The following TNFAIP8L3 variants were observed in gnomAD, a reference collection of about 807,000 sequenced individuals.
TNFAIP8L3 encodes the protein TNF alpha induced protein 8 like 3.
In TNFAIP8L3, 7 loss-of-function variants were observed where a neutral mutation model predicts 11.8. The observed-to-expected ratio is 0.59, with a 90% confidence interval of 0.34 to 1.11. The LOEUF is 1.11. TNFAIP8L3 is among the 50% of genes most tolerant of loss of function. TNFAIP8L3 has a pLI of 0.03. For missense variants in TNFAIP8L3, 219 were observed against 258.6 expected, an observed-to-expected ratio of 0.85 and a Z score of 1.05; for synonymous variants, 98 against 103.8, an observed-to-expected ratio of 0.94 and a Z score of 0.34.
At chr15:51,103,015 C>A (rs1037946592) in intron 1 of TNFAIP8L3, among the ~76,000 whole-genome samples, 2 of 152,076 alleles carry the variant, frequency 1.3e-5, no homozygotes, top group African/African-American at 4.8e-5. Flanking sequence ...CCCTCAGCTT[C>A]CCTCCATCTC....
rs144082319 is a variant in TNFAIP8L3 at position 51,100,800 on chromosome 15, A to G, written c.172+4205T>C. ...AAACAAACAAGGCATGACTGGATGGATGTCCTTAAATGTGTAGAGACTTAG... is the reference window on the plus strand; with the variant it reads ...AAACAAACAAGGCATGACTGGATGGGTGTCCTTAAATGTGTAGAGACTTAG... On this transcript the variant is annotated intron_variant, in intron 1 of 2. Transcript: ENST00000327536. Among the ~76,000 whole-genome samples, 20 of 151,686 alleles carry G rather than the reference A, an allele frequency of 1.3e-4. No individual in the cohort carries two copies. In the East Asian group the frequency reaches 3.3e-3, roughly 25 times the overall value.
At chr15:51,100,489 A>G (rs1007538107) in intron 1 of TNFAIP8L3, among the ~76,000 whole-genome samples, 16 of 152,206 alleles carry the variant, frequency 1.1e-4, no homozygotes, top group African/African-American at 3.9e-4. Flanking sequence ...CACAGGTAAG[A>G]GAAGACAAAA....
chr15:51,078,743 C>T (rs989188746), intron 1 of TNFAIP8L3, among the ~76,000 whole-genome samples: 1 of 152,012 alleles, frequency 6.6e-6, no homozygotes, highest in African/African-American at 2.4e-5. Flanking sequence ...CTGCCACCGG[C>T]CTGTGTCCAG....
At chr15:51,097,886 AG>A (rs2065525256), upstream of TNFAIP8L3, among the ~76,000 whole-genome samples, 1 of 152,190 alleles carries the variant, frequency 6.6e-6, no homozygotes, top group South Asian at 2.1e-4. Context: ...AAAGAGAAAA[AG>A]GGAAAGGGTT....
Position 51,094,533 on chromosome 15 carries a change from C to A in TNFAIP8L3, c.52+11G>T, listed in dbSNP as rs2140982978. 1.3e-6 allele frequency: 2 copies of A among 1,493,600 alleles called. No homozygotes were observed. Among genetic ancestry groups the A allele is most frequent in the Non-Finnish European group, 1.8e-6 (2 of 1,126,112 alleles). 92.5% of individuals were successfully genotyped at this position (1,493,600 alleles called of 1,614,324 possible). ...AGCCCACCCGCCTGGGCCGTCGCGGCCCCTAGGTACCTGCGGCGGTCACGG... is the reference window on the plus strand; with the variant it reads ...AGCCCACCCGCCTGGGCCGTCGCGGACCCTAGGTACCTGCGGCGGTCACGG... On this transcript the variant is annotated intron_variant, in intron 1 of 1. Coordinates refer to ENST00000637513, the MANE Select transcript of TNFAIP8L3 (RefSeq NM_001311175.2). This position sits in a 1 kb window ranked among gnomAD's most constrained non-coding sequence, Gnocchi z 4.4.
chr15:51,089,701 T>G (rs2065453610), intron 1 of TNFAIP8L3, among the ~76,000 whole-genome samples: 1 of 152,230 alleles, frequency 6.6e-6, no homozygotes, highest in African/African-American at 2.4e-5. Context: ...GTCTGGCCTT[T>G]TAGGGCAAAG....
chr15:51,099,761 T>C (rs1199792745), upstream of TNFAIP8L3, among the ~76,000 whole-genome samples: 3 of 152,200 alleles, frequency 2.0e-5, no homozygotes, highest in South Asian at 4.1e-4. Context: ...TTACACAGCT[T>C]TGTGGCATAG....
intron 1 of TNFAIP8L3, among the ~76,000 whole-genome samples, chr15:51,092,196 A>G (rs911219380): frequency 3.3e-5 from 5 of 152,054 alleles, no homozygotes; most frequent in Admixed American, 2.0e-4. Context: ...TTATGTCTCA[A>G]CTCCCTGTGA....
In TNFAIP8L3 at chr15:51,066,944, A is replaced by G. The variant is rs575318345; in HGVS notation, c.53-8501T>C. On this transcript the variant is annotated intron_variant, in intron 1 of 1. Coordinates refer to ENST00000637513, the MANE Select transcript of TNFAIP8L3 (RefSeq NM_001311175.2). ...GTTGTTTGTATATTCCTAGAATTCT[A>G]AAGAAAGAACATGGAGCTGGAGGAG... is the stretch of plus-strand genomic sequence containing the variant. Among the ~76,000 whole-genome samples the G allele has an allele frequency of 2.0e-5, 3 of 152,292 alleles. No homozygotes were observed. In the South Asian group the frequency reaches 6.2e-4, roughly 32 times the overall value.
chr15:51,071,650 G>T (rs74013128), intron 1 of TNFAIP8L3, among the ~76,000 whole-genome samples: 2,611 of 152,220 alleles, frequency 0.017, 94 homozygotes, highest in African/African-American at 0.06. Flanking sequence ...TCCATTTTCT[G>T]CAAGGAAAAA....
intron 1 of TNFAIP8L3, among the ~76,000 whole-genome samples, chr15:51,093,279 C>T (rs991608350): frequency 3.9e-5 from 6 of 152,182 alleles, no homozygotes; most frequent in Admixed American, 3.9e-4. Context: ...CCCAAAGGTG[C>T]GGGCCACAGC....
At chr15:51,081,005 G>A (rs1316705330) in intron 1 of TNFAIP8L3, among the ~76,000 whole-genome samples, 1 of 152,226 alleles carries the variant, frequency 6.6e-6, no homozygotes, top group Non-Finnish European at 1.5e-5. Flanking sequence ...TTGCTATTTA[G>A]AAAACTAGTA....
chr15:51,058,728 C>G (rs2065222830), intron 1 of TNFAIP8L3, among the ~76,000 whole-genome samples: 1 of 152,200 alleles, frequency 6.6e-6, no homozygotes, highest in African/African-American at 2.4e-5. Flanking sequence ...CTTTTTAAAC[C>G]TACTTCATTC....
intron 1 of TNFAIP8L3, among the ~76,000 whole-genome samples, chr15:51,073,928 T>C (rs568286087): frequency 6.6e-6 from 1 of 152,378 alleles, no homozygotes; most frequent in East Asian, 1.9e-4. Context: ...GAGATGATCA[T>C]ATAATTTATC....
intron 1 of TNFAIP8L3, among the ~76,000 whole-genome samples, chr15:51,072,302 G>A (rs549354646): frequency 2.6e-5 from 4 of 152,186 alleles, no homozygotes; most frequent in South Asian, 2.1e-4. Context: ...CACCATGCCC[G>A]GCTAATTTTG....
intron 1 of TNFAIP8L3, among the ~76,000 whole-genome samples, chr15:51,067,383 C>T (rs1438512769): frequency 6.6e-6 from 1 of 152,158 alleles, no homozygotes; most frequent in Non-Finnish European, 1.5e-5. Flanking sequence ...CCACCACCTG[C>T]CACAGGAAGC....
rs886505245 is a variant in TNFAIP8L3, at chr15:51,057,647, T to G, written c.*234A>C. On this transcript the variant is annotated 3_prime_UTR_variant, in exon 2 of 2. Transcript: ENST00000637513. ...AAACAGCCTTTCTGCTTAGAATAGA[T>G]GAAATGTCCTTTGGGCTTGCACACA... 4 of 480,454 alleles carry G rather than the reference T, an allele frequency of 8.3e-6. No individual in the cohort carries two copies. Among genetic ancestry groups the G allele is most frequent in the Non-Finnish European group, 1.5e-5 (4 of 272,794 alleles). The allele number at this position is 480,454 out of a possible 1,614,324, so 29.8% of individuals were successfully genotyped here.
intron 1 of TNFAIP8L3, among the ~76,000 whole-genome samples, chr15:51,076,182 C>T (rs1595611836): frequency 6.6e-6 from 1 of 152,164 alleles, no homozygotes; most frequent in Admixed American, 6.5e-5. Flanking sequence ...ACAAGTCAAG[C>T]CACATTTTTA....
intron 1 of TNFAIP8L3, among the ~76,000 whole-genome samples, chr15:51,063,422 G>A (rs954884667): frequency 6.6e-6 from 1 of 152,272 alleles, no homozygotes; most frequent in South Asian, 2.1e-4. Flanking sequence ...AACTACTAGC[G>A]ATGTATATTT....
Sources: gnomAD v4.1 joint callset for allele counts (sites outside exome capture counted in the v4.1 genomes callset) on GRCh38, gnomAD v4.1.1 for gene constraint, Gnocchi (gnomAD v3.1) non-coding constraint, MANE v1.5 for transcripts, NCBI Gene and HGNC (gene_info 2026-07-23, HGNC 2026-07-21) for gene names.